The following ITGAD variants were observed in gnomAD, a reference collection of about 807,000 sequenced individuals.
ITGAD encodes the protein integrin subunit alpha D, also known as integrin alpha-D.
ITGAD carries 105 observed loss-of-function variants against 139.0 expected under a neutral mutation model. That is an observed-to-expected ratio of 0.76 (90% confidence interval 0.65 to 0.89). The LOEUF (loss-of-function observed/expected upper bound fraction) is 0.89. Ranked by LOEUF, ITGAD falls within the 40% of genes least tolerant of loss-of-function variation. ITGAD has a pLI of 0.00. For synonymous variants in ITGAD, 569 were observed against 598.3 expected, an observed-to-expected ratio of 0.95 and a Z score of 0.71; for missense variants, 1,384 against 1,487.3, an observed-to-expected ratio of 0.93 and a Z score of 1.14.
chr16:31,410,542 G>A lies in ITGAD; in HGVS notation c.1213+18G>A. 6.2e-7 allele frequency: 1 copy of A among 1,601,164 alleles called. No individual in the cohort carries two copies. The highest frequency in any genetic ancestry group is 2.3e-5 in the East Asian group (1 of 44,148). On this transcript the variant is annotated intron_variant, in intron 11 of 29. Transcript: ENST00000389202. ...TTACCTGGGTGAGAAACGGCCAGGG[G>A]TTGGGGACAGGTTGGAGATGCACTG...
Position 31,394,268 on chromosome 16 carries a change from G to A in ITGAD, c.64G>A (p.Val22Met). The change falls in exon 2 of 30, where the codon GTG becomes ATG. Residue 22 changes from valine to methionine, a missense_variant. Coordinates refer to ENST00000389202, the MANE Select transcript of ITGAD (RefSeq NM_005353.3). ...LASYHGFNLDVEEPTIFQEDA... is the reference protein window; with the variant it reads ...LASYHGFNLDMEEPTIFQEDA... ...TTCTTATCATGGATTCAACCTGGAT[G>A]TGGAGGAGCCTACGATCTTCCAGGA... 6.2e-7 allele frequency: 1 copy of A among 1,613,800 alleles called. No individual in the cohort carries two copies. The highest frequency in any genetic ancestry group is 8.5e-7 in the Non-Finnish European group (1 of 1,179,824).
intron 10 of ITGAD, 60 bp from the exon 11 acceptor site, chr16:31,410,335 C>A: frequency 6.2e-7 from 1 of 1,609,148 alleles, no homozygotes. Flanking sequence ...AGGCGTGTCT[C>A]TGGGATATGC....
At chr16:31,413,275 G>A (rs780693594) in intron 16 of ITGAD, 29 bp downstream of exon 16, 2 of 1,610,546 alleles carry the variant, frequency 1.2e-6, no homozygotes, top group South Asian at 2.2e-5. Context: ...GGGGGCCCAG[G>A]CCCCTCATTC....
At position 31,415,755 on chromosome 16, in the gene ITGAD, C is replaced by T. The variant is rs151292699; in HGVS notation, c.2284-458C>T. On this transcript the variant is annotated intron_variant, in intron 18 of 29. Transcript: ENST00000389202. ...TCTGAAGGCCACACTCAGCATCTGC[C>T]GCTCCTTCTCTGGTCCCTGTTACAC... Among the ~76,000 whole-genome samples the T allele has an allele frequency of 1.9e-3, 292 of 152,306 alleles. 2 individuals carry two copies. The highest frequency in any genetic ancestry group is 6.6e-3 in the African/African-American group (276 of 41,570).
chr16:31,412,523 GGACA>G (rs1401850283), intron 14 of ITGAD, among the ~76,000 whole-genome samples: 1 of 152,176 alleles, frequency 6.6e-6, no homozygotes, highest in East Asian at 1.9e-4. Context: ...GCAAACGGAG[GGACA>G]GACAGATTGA....
chr16:31,423,929 G>A lies in ITGAD; in HGVS notation c.3130G>A (p.Gly1044Ser), dbSNP rs1472630925. 1 of 1,614,174 alleles carries A rather than the reference G, an allele frequency of 6.2e-7. No individual in the cohort carries two copies. The highest frequency in any genetic ancestry group is 8.5e-7 in the Non-Finnish European group (1 of 1,180,038). Reference protein sequence around the residue: ...VQEELDFTLKGNLSFGWVRET... With the variant: ...VQEELDFTLKSNLSFGWVRET... ...GGAGGAGCTGGATTTCACCCTGAAG[G>A]GCAATCTCAGTTTCGGCTGGGTCCG... Residue 1044 changes from glycine to serine, a missense_variant, in exon 27 of 30, where the codon GGC becomes AGC. Gly to Ser is a moderately conservative substitution (Grantham distance 56). Coordinates refer to ENST00000389202, the MANE Select transcript of ITGAD (RefSeq NM_005353.3).
chr16:31,405,737 G>A (rs1012488345), intron 7 of ITGAD, among the ~76,000 whole-genome samples: 2 of 151,240 alleles, frequency 1.3e-5, no homozygotes, highest in South Asian at 4.2e-4. Flanking sequence ...CCAGCTCCTG[G>A]GCTCAACAAT....
At chr16:31,411,547 C>T (rs773897570) in intron 14 of ITGAD, 30 bp downstream of exon 14, 7 of 1,606,008 alleles carry the variant, frequency 4.4e-6, no homozygotes, top group Non-Finnish European at 6.0e-6. Flanking sequence ...TCTTTTAGTC[C>T]CAGCTCCTTC....
chr16:31,408,273 G>A, intron 9 of ITGAD, 152 bp from the exon 10 acceptor site: 2 of 681,918 alleles, frequency 2.9e-6, no homozygotes, highest in East Asian at 2.7e-5. Flanking sequence ...CGCCCAGCCT[G>A]TCCCGCACAG....
Position 31,408,428 on chromosome 16 carries a change from C to T in ITGAD, c.1013C>T (p.Thr338Ile). The stretch of plus-strand genomic sequence containing the variant: ...TCACTGACCTGTTTCCCCACAGGAA[C>T]CCAGTCCAGGGCAAGCAGCTCCTTC... ...LQEKIYAVEGTQSRASSSFQH... is the reference protein window; with the variant it reads ...LQEKIYAVEGIQSRASSSFQH... Residue 338 changes from threonine (T) to isoleucine (I), a missense_variant, in exon 10 of 30, where the codon ACC (threonine) becomes ATC (isoleucine). Thr to Ile is a moderately conservative substitution (Grantham distance 89, BLOSUM62 -1). Transcript: ENST00000389202. 1 of 1,613,908 alleles carries T rather than the reference C, an allele frequency of 6.2e-7. No homozygotes were observed. The highest frequency in any genetic ancestry group is 8.5e-7 in the Non-Finnish European group (1 of 1,179,890).
At chr16:31,412,803 T>A in intron 14 of ITGAD, 35 bp from the exon 15 acceptor site, 1 of 1,612,770 alleles carries the variant, frequency 6.2e-7, no homozygotes, top group South Asian at 1.1e-5. Flanking sequence ...TTCCCCCATC[T>A]TCCAGCCTGA....
intron 12 of ITGAD, 84 bp downstream of exon 12, chr16:31,410,962 G>A (rs2081686083): frequency 1.9e-6 from 3 of 1,596,502 alleles, no homozygotes; most frequent in African/African-American, 2.7e-5. Flanking sequence ...GGAGAGGATG[G>A]AGGGGCTTTG....
At chr16:31,420,715 C>T (rs565031601) in intron 23 of ITGAD, among the ~76,000 whole-genome samples, 1 of 152,314 alleles carries the variant, frequency 6.6e-6, no homozygotes, top group East Asian at 1.9e-4. Context: ...GCTGGGACTA[C>T]AGGCATGTGC....
At chr16:31,415,531 A>G (rs992400427) in intron 18 of ITGAD, among the ~76,000 whole-genome samples, 11 of 152,018 alleles carry the variant, frequency 7.2e-5, no homozygotes, top group African/African-American at 2.7e-4. Context: ...CTCCATCCAC[A>G]CACCCAGGAA....
In ITGAD at chr16:31,426,324, T is replaced by G. The variant is rs2082114838; in HGVS notation, c.*196T>G. On this transcript the variant is annotated 3_prime_UTR_variant, in exon 30 of 30. Coordinates refer to ENST00000389202, the MANE Select transcript of ITGAD (RefSeq NM_005353.3). ...CATCTTTTTCAGCAATGACCCACTT[T>G]TTACAGAAGCAGGCATGGTGCCAGC... 1.9e-6 allele frequency: 1 copy of G among 529,758 alleles called. No homozygotes were observed. The highest frequency in any genetic ancestry group is 3.4e-6 in the Non-Finnish European group (1 of 294,264). The allele number at this position is 529,758 out of a possible 1,614,324, so 32.8% of individuals were successfully genotyped here.
At chr16:31,404,597 C>T (rs1175892475) in intron 7 of ITGAD, 1 of 152,584 alleles carries the variant, frequency 6.6e-6, no homozygotes, top group East Asian at 1.9e-4. Flanking sequence ...CCTCAAAGTT[C>T]TTCCAGTGGT....
At chr16:31,416,344 T>C in intron 19 of ITGAD, 58 bp downstream of exon 19, 1 of 1,519,000 alleles carries the variant, frequency 6.6e-7, no homozygotes, top group Non-Finnish European at 9.1e-7. Flanking sequence ...CCCATCCTCC[T>C]GGGATGCTTG....
chr16:31,412,859 TC>T lies in ITGAD; in HGVS notation c.1734del (p.Arg579GlyfsTer9). The T allele has an allele frequency of 6.2e-7, 1 of 1,614,024 alleles. No homozygotes were observed. The highest frequency in any genetic ancestry group is 8.5e-7 in the Non-Finnish European group (1 of 1,180,000). On this transcript the variant is annotated frameshift_variant, in exon 15 of 30. Coordinates refer to ENST00000389202, the MANE Select transcript of ITGAD (RefSeq NM_005353.3). LOFTEE classifies it high-confidence loss of function. ...CCAGCGGATTGCCAGCTCCCAGCTCTCCCCCAGGCTGCAGTATTTTGGGCAG... is the reference window on the plus strand; with the variant it reads ...CCAGCGGATTGCCAGCTCCCAGCTCTCCCCAGGCTGCAGTATTTTGGGCAG... ...HSQRIASSQL[S>X]PRLQYFGQAL...
At chr16:31,421,093 T>C (rs1313490708) in intron 23 of ITGAD, among the ~76,000 whole-genome samples, 1 of 152,208 alleles carries the variant, frequency 6.6e-6, no homozygotes, top group African/African-American at 2.4e-5. Flanking sequence ...TTTATATGTA[T>C]TTACATTTAT....
Sources: gnomAD v4.1 joint callset for allele counts (sites outside exome capture counted in the v4.1 genomes callset) on GRCh38, gnomAD v4.1.1 for gene constraint, MANE v1.5 for transcripts, NCBI Gene and HGNC (gene_info 2026-07-23, HGNC 2026-07-21) for gene names.